The following NTRK3 variants were observed in gnomAD, a reference collection of about 807,000 sequenced individuals.
The protein encoded by NTRK3 is NT-3 growth factor receptor.
Under a neutral mutation model 91.7 loss-of-function variants are expected in NTRK3, and 24 were observed. The observed-to-expected ratio is 0.26, with a 90% CI of 0.19 to 0.37. The LOEUF (loss-of-function observed/expected upper bound fraction) is 0.37, where lower values mean the gene tolerates loss of function less well. Ranked by LOEUF, NTRK3 falls within the 10% of genes least tolerant of loss-of-function variation. NTRK3 has a pLI of 1.00. For missense variants in NTRK3, 880 were observed against 1,068.9 expected, an observed-to-expected ratio of 0.82 and a Z score of 2.46; for synonymous variants, 483 against 404.0, an observed-to-expected ratio of 1.20 and a Z score of -2.34.
At chr15:88,095,854 G>C (rs979301912) in intron 13 of NTRK3, among the ~76,000 whole-genome samples, 1 of 152,120 alleles carries the variant, frequency 6.6e-6, no homozygotes, top group Non-Finnish European at 1.5e-5. Context: ...TATCTGAGTG[G>C]TAACATCTTA....
At chr15:88,008,394 C>A (rs1444553115) in intron 14 of NTRK3, among the ~76,000 whole-genome samples, 1 of 152,044 alleles carries the variant, frequency 6.6e-6, no homozygotes, top group Non-Finnish European at 1.5e-5. Flanking sequence ...GATGCAAGTG[C>A]CAAATTCACT....
At chr15:88,109,055 C>T (rs865989427) in intron 13 of NTRK3, among the ~76,000 whole-genome samples, 23 of 152,220 alleles carry the variant, frequency 1.5e-4, no homozygotes, top group African/African-American at 5.5e-4. Flanking sequence ...AAAACAACAA[C>T]AATGCTCCCA....
At chr15:87,878,716 C>T in intron 18 of NTRK3, among the ~76,000 whole-genome samples, 1 of 152,180 alleles carries the variant, frequency 6.6e-6, no homozygotes, top group Non-Finnish European at 1.5e-5. Flanking sequence ...TGGCTGAGGG[C>T]AGAAAGCCTG....
At chr15:88,210,369 T>C (rs1413585541) in intron 3 of NTRK3, among the ~76,000 whole-genome samples, 1 of 152,158 alleles carries the variant, frequency 6.6e-6, no homozygotes, top group Non-Finnish European at 1.5e-5. Flanking sequence ...AGCCTGAAGA[T>C]GGAAGAAATT....
chr15:87,923,377 C>A (rs535545321), intron 17 of NTRK3, among the ~76,000 whole-genome samples: 1 of 152,262 alleles, frequency 6.6e-6, no homozygotes, highest in East Asian at 1.9e-4. Context: ...ATGCCAGTTT[C>A]TCCTTTTAGC....
At position 88,199,420 on chromosome 15, in the gene NTRK3, C is replaced by A. The variant is rs140296670; in HGVS notation, c.249-15121G>T. Reference sequence around the variant, plus strand: ...GCATCCCTGGTGCCAAATGGGGCTCCTGGCTCCTAAAAAGCCCTAGTAAAT... The same window carrying A: ...GCATCCCTGGTGCCAAATGGGGCTCATGGCTCCTAAAAAGCCCTAGTAAAT... On this transcript the variant is annotated intron_variant, in intron 3 of 18. Coordinates refer to ENST00000394480, the Ensembl canonical transcript of NTRK3. 1.4e-3 allele frequency among the ~76,000 whole-genome samples: 213 copies of A among 152,324 alleles called. 1 individual carries two copies. The highest frequency in any genetic ancestry group is 5.0e-3 in the African/African-American group (208 of 41,564).
At chr15:88,220,421 C>T (rs568416937) in intron 3 of NTRK3, among the ~76,000 whole-genome samples, 13 of 152,272 alleles carry the variant, frequency 8.5e-5, no homozygotes, top group East Asian at 1.9e-4. Flanking sequence ...GGAGAGAAAA[C>T]GCCATGGGCT....
At chr15:88,170,795 G>C (rs908549132) in intron 5 of NTRK3, among the ~76,000 whole-genome samples, 4 of 152,012 alleles carry the variant, frequency 2.6e-5, no homozygotes, top group Non-Finnish European at 5.9e-5. Flanking sequence ...GTTCTAAAAT[G>C]AACTGAACGA....
intron 3 of NTRK3, among the ~76,000 whole-genome samples, chr15:88,219,728 T>A (rs566689255): frequency 1.3e-5 from 2 of 152,224 alleles, no homozygotes; most frequent in African/African-American, 2.4e-5. Flanking sequence ...AAATCAAGAC[T>A]GGAAGAATCT....
At chr15:87,928,226 A>C (rs1596288669) in intron 17 of NTRK3, 2 of 152,124 alleles carry the variant, frequency 1.3e-5, no homozygotes, top group South Asian at 2.1e-4. Flanking sequence ...TGATCCATCC[A>C]CCTCAGCCTC....
intron 3 of NTRK3, among the ~76,000 whole-genome samples, chr15:88,249,539 T>C (rs2053157412): frequency 6.6e-6 from 1 of 152,160 alleles, no homozygotes; most frequent in Non-Finnish European, 1.5e-5. Flanking sequence ...CTGCCCACTC[T>C]GGGCCCTTGG....
chr15:88,157,890 G>T (rs1410871148), intron 5 of NTRK3, among the ~76,000 whole-genome samples: 4 of 152,188 alleles, frequency 2.6e-5, no homozygotes, highest in African/African-American at 9.6e-5. Flanking sequence ...TGGCACCAGG[G>T]TTCCTGATAC....
At chr15:88,027,939 G>A (rs2078180956) in intron 14 of NTRK3, among the ~76,000 whole-genome samples, 1 of 152,166 alleles carries the variant, frequency 6.6e-6, no homozygotes, top group South Asian at 2.1e-4. Flanking sequence ...AGGAAGGAAA[G>A]GTCCCATTGC....
At chr15:88,226,870 C>T (rs547856459) in intron 3 of NTRK3, among the ~76,000 whole-genome samples, 1 of 152,338 alleles carries the variant, frequency 6.6e-6, no homozygotes, top group East Asian at 1.9e-4. Flanking sequence ...GGTGATAGCC[C>T]CATTTTACAG....
chr15:88,127,104 G>C (rs952585509), intron 12 of NTRK3, 58 bp downstream of exon 12: 1 of 1,412,418 alleles, frequency 7.1e-7, no homozygotes, highest in African/African-American at 1.4e-5. Context: ...CAACACAAAT[G>C]AAGTCTGAAA....
chr15:87,948,266 A>G (rs2070764292), intron 14 of NTRK3, among the ~76,000 whole-genome samples: 9 of 152,222 alleles, frequency 5.9e-5, no homozygotes, highest in Admixed American at 5.9e-4. Context: ...TGGATGATTT[A>G]TAGACTAGGA....
intron 13 of NTRK3, among the ~76,000 whole-genome samples, chr15:88,115,818 C>A (rs900181224): frequency 1.3e-5 from 2 of 152,096 alleles, no homozygotes; most frequent in African/African-American, 4.8e-5. Flanking sequence ...CTGAGGCCGG[C>A]GGGCAGCCCG....
rs553130570 is a variant in NTRK3 at position 87,947,641 on chromosome 15, G to A, written c.1586-6888C>T. On this transcript the variant is annotated intron_variant, in intron 14 of 18. Transcript: ENST00000394480. ...TCACCCATTACAAGGTGAGTCCTGA[G>A]CGTGACTACACGCAGGAGGGAGGAG... Among the ~76,000 whole-genome samples, 4 of 152,060 alleles carry A rather than the reference G, an allele frequency of 2.6e-5. No homozygotes were observed. In the South Asian group the frequency reaches 8.4e-4, roughly 32 times the overall value.
chr15:88,162,530 G>C (rs936844695), intron 5 of NTRK3, among the ~76,000 whole-genome samples: 32 of 152,324 alleles, frequency 2.1e-4, no homozygotes, highest in African/African-American at 7.0e-4. Context: ...CAGGAGCATG[G>C]AGGGAACCAT....
Sources: gnomAD v4.1 joint callset for allele counts (sites outside exome capture counted in the v4.1 genomes callset) on GRCh38, gnomAD v4.1.1 for gene constraint, MANE v1.5 for transcripts, NCBI Gene and HGNC (gene_info 2026-07-23, HGNC 2026-07-21) for gene names.